CADPS2: variants seen among roughly 807,000 people sequenced by gnomAD.
The protein encoded by CADPS2 is calcium-dependent secretion activator 2.
In CADPS2, 93 loss-of-function variants were observed where a neutral mutation model predicts 172.5. The ratio of observed to expected loss-of-function variants is 0.54; its 90% CI spans 0.46 to 0.64. The LOEUF is 0.64. Ranked by LOEUF, CADPS2 falls within the 30% of genes least tolerant of loss-of-function variation. The pLI is 0.00. For synonymous variants in CADPS2, 546 were observed against 555.2 expected (o/e 0.98, Z 0.23); for missense variants, 1,420 against 1,565.9 (o/e 0.91, Z 1.57).
chr7:122,567,644 T>C (rs769462901), intron 7 of CADPS2, among the ~76,000 whole-genome samples: 7 of 152,202 alleles, frequency 4.6e-5, no homozygotes, highest in Admixed American at 2.6e-4. Context: ...TTGTAACATA[T>C]GTAAAAGTAC....
chr7:122,602,056 A>T (rs1315746927), intron 6 of CADPS2, among the ~76,000 whole-genome samples: 3 of 152,048 alleles, frequency 2.0e-5, no homozygotes, highest in African/African-American at 7.2e-5. Flanking sequence ...TATATAAATA[A>T]TAGTGTCTCA....
At chr7:122,548,367 T>C (rs1171179694) in intron 8 of CADPS2, among the ~76,000 whole-genome samples, 3 of 152,034 alleles carry the variant, frequency 2.0e-5, no homozygotes, top group African/African-American at 7.2e-5. Context: ...GATAAGACCC[T>C]GTCTAAAAAA....
intron 17 of CADPS2, among the ~76,000 whole-genome samples, chr7:122,423,732 C>G (rs1314169717): frequency 1.3e-5 from 2 of 152,150 alleles, no homozygotes; most frequent in Non-Finnish European, 2.9e-5. Context: ...ATCAGAATCA[C>G]CTGGAGGACT....
intron 3 of CADPS2, among the ~76,000 whole-genome samples, chr7:122,646,311 T>C (rs2134766789): frequency 6.6e-6 from 1 of 152,136 alleles, no homozygotes; most frequent in East Asian, 1.9e-4. Flanking sequence ...ATTTATTTGA[T>C]GTTTAAGTTG....
chr7:122,822,893 C>T (rs557100326), intron 1 of CADPS2, among the ~76,000 whole-genome samples: 2 of 151,954 alleles, frequency 1.3e-5, no homozygotes, highest in African/African-American at 4.8e-5. Flanking sequence ...TATCTCCCTT[C>T]GCTGACTCTC....
At chr7:122,793,185 A>G (rs541936964) in intron 1 of CADPS2, among the ~76,000 whole-genome samples, 2 of 152,224 alleles carry the variant, frequency 1.3e-5, no homozygotes, top group African/African-American at 4.8e-5. Flanking sequence ...ATTTTTGAAC[A>G]TAATTCCTTT....
chr7:122,852,270 G>A, intron 1 of CADPS2, among the ~76,000 whole-genome samples: 1 of 152,114 alleles, frequency 6.6e-6, no homozygotes, highest in East Asian at 1.9e-4. Flanking sequence ...CTCATTCAAT[G>A]GTACCTGAAT....
chr7:122,885,659 T>C (rs1453565734), intron 1 of CADPS2, among the ~76,000 whole-genome samples: 1 of 151,996 alleles, frequency 6.6e-6, no homozygotes, highest in African/African-American at 2.4e-5. Context: ...ACCAGTGCTG[T>C]TGGAAATTAA....
chr7:122,601,350 G>A (rs2072745098), intron 6 of CADPS2, among the ~76,000 whole-genome samples: 1 of 151,918 alleles, frequency 6.6e-6, no homozygotes, highest in Admixed American at 6.6e-5. Flanking sequence ...CTTGCTTCAG[G>A]TAAAATTTGC....
At chr7:122,572,891 G>A (rs1350352549) in intron 7 of CADPS2, among the ~76,000 whole-genome samples, 2 of 152,020 alleles carry the variant, frequency 1.3e-5, no homozygotes, top group Admixed American at 6.6e-5. Context: ...CCATCAATTC[G>A]GATGAAAAAT....
intron 8 of CADPS2, among the ~76,000 whole-genome samples, chr7:122,523,172 A>T (rs960889678): frequency 6.6e-6 from 1 of 152,130 alleles, no homozygotes; most frequent in African/African-American, 2.4e-5. Context: ...TGGCTGTACT[A>T]GTTTACATTC....
chr7:122,661,072 G>A (rs1344166135), intron 3 of CADPS2, among the ~76,000 whole-genome samples: 1 of 152,126 alleles, frequency 6.6e-6, no homozygotes, highest in African/African-American at 2.4e-5. Context: ...AGACAATGTA[G>A]ATTTCAGAAA....
Position 122,552,253 on chromosome 7 carries a change from T to A in CADPS2, c.1475+2297A>T, listed in dbSNP as rs556303922. Among the ~76,000 whole-genome samples, 291 of 152,312 alleles carry A rather than the reference T, an allele frequency of 1.9e-3. 7 individuals carry two copies. Among genetic ancestry groups the A allele is most frequent in the Admixed American group, 0.019 (287 of 15,284 alleles). On this transcript the variant is annotated intron_variant, in intron 8 of 29. Coordinates refer to ENST00000449022, the MANE Select transcript of CADPS2 (RefSeq NM_017954.11). ...TATCTTAGCATAACATCATCACAGA[T>A]AATTTTCAGTTCTAACATTGCTTCA...
chr7:122,635,953 T>C (rs1177437144), intron 3 of CADPS2, among the ~76,000 whole-genome samples: 1 of 152,182 alleles, frequency 6.6e-6, no homozygotes, highest in Admixed American at 6.5e-5. Context: ...TCCATTTGCA[T>C]GATAGATCTT....
At chr7:122,532,829 A>G (rs10253515) in intron 8 of CADPS2, among the ~76,000 whole-genome samples, 2,353 of 152,156 alleles carry the variant, frequency 0.015, 59 homozygotes, top group African/African-American at 0.053. Context: ...CCAAAATAAC[A>G]TTTTTCTTGT....
At position 122,697,687 on chromosome 7, in the gene CADPS2, A is replaced by C. The variant is rs1027908926; in HGVS notation, c.454-34118T>G. On this transcript the variant is annotated intron_variant, in intron 2 of 29. Transcript: ENST00000449022. ...ATGTATAAAATTACTGAAGTAACAA[A>C]AAAGGACACAAAAACCACACTTCAA... 5 of 896,890 alleles carry C rather than the reference A, an allele frequency of 5.6e-6. 1 individual carries two copies. Among genetic ancestry groups the C allele is most frequent in the Middle Eastern group, 3.3e-4 (1 of 3,056 alleles). The allele number at this position is 896,890 out of a possible 1,614,324, so 55.6% of individuals were successfully genotyped here. A position where few individuals can be genotyped will look rare whatever the true frequency, so the allele number is the denominator to read the frequency against.
At chr7:122,692,825 G>A (rs774235150) in intron 2 of CADPS2, among the ~76,000 whole-genome samples, 3 of 151,746 alleles carry the variant, frequency 2.0e-5, no homozygotes, top group South Asian at 2.1e-4. Flanking sequence ...CAGCTCTCAC[G>A]CACTGTTCTC....
At chr7:122,526,072 A>G (rs1266175523) in intron 8 of CADPS2, among the ~76,000 whole-genome samples, 10 of 152,172 alleles carry the variant, frequency 6.6e-5, no homozygotes, top group Admixed American at 6.6e-4. Context: ...TGTTCTTGCT[A>G]AACTTTCTCT....
chr7:122,579,867 G>A (rs929634051), intron 7 of CADPS2, among the ~76,000 whole-genome samples: 8 of 152,046 alleles, frequency 5.3e-5, no homozygotes, highest in Non-Finnish European at 1.2e-4. Flanking sequence ...TCTGGATTAT[G>A]AATGCAGAGT....
Sources: allele counts gnomAD v4.1 joint callset (sites outside exome capture counted in the v4.1 genomes callset), GRCh38; gene constraint gnomAD v4.1.1; transcripts MANE v1.5; gene names NCBI Gene and HGNC (gene_info 2026-07-23, HGNC 2026-07-21).